The following GLMN variants were observed in gnomAD, a reference collection of about 807,000 sequenced individuals.
The protein encoded by GLMN is glomulin, FKBP associated protein.
GLMN carries 75 observed loss-of-function variants against 87.8 expected under a neutral mutation model. The observed-to-expected ratio is 0.85, with a 90% CI of 0.71 to 1.04. GLMN has a LOEUF of 1.04. Ranked by LOEUF, GLMN falls within the 50% of genes least tolerant of loss-of-function variation. GLMN has a pLI of 0.00. For synonymous variants in GLMN, 206 were observed against 221.6 expected (o/e 0.93, Z 0.63); for missense variants, 588 against 658.8 (o/e 0.89, Z 1.18).
At chr1:92,282,522 G>A (rs1259655778) in intron 7 of GLMN, among the ~76,000 whole-genome samples, 7 of 152,060 alleles carry the variant, frequency 4.6e-5, no homozygotes, top group African/African-American at 1.7e-4. Context: ...AAAGAAAGCA[G>A]GAAAGAGCTA....
intron 16 of GLMN, among the ~76,000 whole-genome samples, chr1:92,261,023 GATA>G (rs1367633476): frequency 6.6e-6 from 1 of 152,134 alleles, no homozygotes; most frequent in Non-Finnish European, 1.5e-5. Flanking sequence ...AGGCAAGTCA[GATA>G]ATCTCTCAAG....
At chr1:92,272,509 T>A (rs547732650) in intron 7 of GLMN, among the ~76,000 whole-genome samples, 8 of 152,262 alleles carry the variant, frequency 5.3e-5, no homozygotes, top group Non-Finnish European at 1.0e-4. Context: ...CAATTTTTTT[T>A]AAAAAAGTGC....
At chr1:92,304,394 A>G in the GLMN span, 2 of 1,066,068 alleles carry the variant, frequency 1.9e-6, no homozygotes, top group South Asian at 2.9e-5. Flanking sequence ...TTTTTTCTTT[A>G]CTAACCACTA....
intron 1 of GLMN, 92 bp from the exon 2 acceptor site, chr1:92,298,121 C>A: frequency 3.0e-6 from 2 of 661,084 alleles, no homozygotes; most frequent in Admixed American, 2.6e-5. Context: ...TTAGTAAATA[C>A]AATAAAGAAA....
chr1:92,296,453 T>C (rs183849681), intron 3 of GLMN, among the ~76,000 whole-genome samples: 362 of 152,238 alleles, frequency 2.4e-3, no homozygotes, highest in Non-Finnish European at 4.3e-3. Flanking sequence ...ACAGGGGAAA[T>C]GCCAGATGGT....
intron 16 of GLMN, among the ~76,000 whole-genome samples, chr1:92,260,624 A>G (rs544257460): frequency 2.8e-4 from 42 of 150,298 alleles, no homozygotes; most frequent in African/African-American, 1.0e-3. Flanking sequence ...CAAGAAAAAA[A>G]AGAAGTGCCT....
intron 7 of GLMN, among the ~76,000 whole-genome samples, chr1:92,273,164 T>G (rs1361455706): frequency 1.3e-5 from 2 of 152,140 alleles, no homozygotes; most frequent in Non-Finnish European, 2.9e-5. Context: ...TTTCCAGCCT[T>G]CAGGGACTTA....
chr1:92,346,446 G>A, the GLMN span, among the ~76,000 whole-genome samples: 7 of 152,250 alleles, frequency 4.6e-5, no homozygotes, highest in East Asian at 1.2e-3. Context: ...TTATAGGCAT[G>A]AGCCACCACA....
chr1:92,290,006 C>T (rs1178727242), intron 5 of GLMN, among the ~76,000 whole-genome samples, 192 bp downstream of exon 5: 3 of 152,290 alleles, frequency 2.0e-5, no homozygotes, highest in Middle Eastern at 3.4e-3. Flanking sequence ...TTACTGGGTA[C>T]CCACTCTGGC....
At chr1:92,253,390 ATC>A (rs959853050) in intron 16 of GLMN, among the ~76,000 whole-genome samples, 5 of 152,210 alleles carry the variant, frequency 3.3e-5, no homozygotes, top group African/African-American at 9.6e-5. Flanking sequence ...AGAGCAGCAG[ATC>A]TCTCAGCACA....
At chr1:92,279,784 C>G (rs190148121) in intron 7 of GLMN, among the ~76,000 whole-genome samples, 2 of 152,260 alleles carry the variant, frequency 1.3e-5, no homozygotes, top group African/African-American at 2.4e-5. Flanking sequence ...TCTTAGCAAC[C>G]GGCAGACCAG....
chr1:92,356,300 A>C, the GLMN span, among the ~76,000 whole-genome samples: 2 of 151,980 alleles, frequency 1.3e-5, no homozygotes, highest in African/African-American at 4.8e-5. Context: ...TTATTCTGGG[A>C]ATAAGTATCA....
the GLMN span, among the ~76,000 whole-genome samples, chr1:92,317,981 AC>A: frequency 6.6e-6 from 1 of 151,908 alleles, no homozygotes; most frequent in Non-Finnish European, 1.5e-5. Flanking sequence ...TCTGACCACA[AC>A]CTCTATCTCA....
chr1:92,337,974 G>T, the GLMN span, among the ~76,000 whole-genome samples: 47 of 152,204 alleles, frequency 3.1e-4, no homozygotes, highest in African/African-American at 1.1e-3. Context: ...ATGTTCTTGA[G>T]AAAGTAATCT....
chr1:92,266,131 A>T (rs1459510180), intron 13 of GLMN, among the ~76,000 whole-genome samples: 1 of 152,200 alleles, frequency 6.6e-6, no homozygotes, highest in Non-Finnish European at 1.5e-5. Flanking sequence ...GAGCATCATC[A>T]ATCTCAGTTT....
At chr1:92,252,598 T>C (rs1292063317) in intron 16 of GLMN, among the ~76,000 whole-genome samples, 1 of 152,162 alleles carries the variant, frequency 6.6e-6, no homozygotes, top group African/African-American at 2.4e-5. Flanking sequence ...TCAGCATAAT[T>C]CCACAAATTT....
chr1:92,336,382 T>A, the GLMN span: 1 of 1,611,200 alleles, frequency 6.2e-7, no homozygotes, highest in Non-Finnish European at 8.5e-7. Context: ...CAGATTACAT[T>A]GGGAGATATT....
chr1:92,247,304 CAG>C lies in GLMN; in HGVS notation c.1586-162_1586-161del, dbSNP rs71586740. Among the ~76,000 whole-genome samples the C allele has an allele frequency of 0.26, 39,461 of 151,892 alleles. 6,481 individuals are homozygous for C. The highest frequency in any genetic ancestry group is 0.35 in the Non-Finnish European group (23,891 of 67,890). On this transcript the variant is annotated intron_variant, in intron 17 of 18. Coordinates refer to ENST00000370360, the MANE Select transcript of GLMN (RefSeq NM_053274.3). The stretch of plus-strand genomic sequence containing the variant: ...AGGGTATACTTAAGCTATAAGCAAA[CAG>C]AATGAAATATCAAAATTCTGCAACA...
intron 16 of GLMN, among the ~76,000 whole-genome samples, chr1:92,254,453 A>G (rs1653964485): frequency 6.6e-6 from 1 of 152,206 alleles, no homozygotes; most frequent in Non-Finnish European, 1.5e-5. Flanking sequence ...AGCAACCCCA[A>G]GACACATAAT....
Sources: gnomAD v4.1 joint callset for allele counts (sites outside exome capture counted in the v4.1 genomes callset) on GRCh38, gnomAD v4.1.1 for gene constraint, MANE v1.5 for transcripts, NCBI Gene and HGNC (gene_info 2026-07-23, HGNC 2026-07-21) for gene names.